The following LTN1 variants were observed in gnomAD, a reference collection of about 807,000 sequenced individuals.
LTN1 encodes the protein listerin E3 ubiquitin protein ligase 1, also known as E3 ubiquitin-protein ligase listerin.
Under a neutral mutation model 201.2 loss-of-function variants are expected in LTN1, and 88 were observed. The observed-to-expected ratio is 0.44, with a 90% CI of 0.37 to 0.52. The LOEUF is 0.52. LTN1 is among the 20% of genes least tolerant of loss of function. The pLI, the probability that LTN1 is intolerant of heterozygous loss-of-function variation, is 0.00. For missense variants in LTN1, 1,752 were observed against 2,038.7 expected (o/e 0.86, Z 2.71); for synonymous variants, 645 against 713.5 (o/e 0.90, Z 1.53).
At chr21:28,970,364 C>T (rs2084563506) in intron 8 of LTN1, among the ~76,000 whole-genome samples, 188 bp downstream of exon 8, 1 of 152,140 alleles carries the variant, frequency 6.6e-6, no homozygotes, top group South Asian at 2.1e-4. Flanking sequence ...TATCTAACTT[C>T]CTGCTGTGTG....
Position 28,972,924 on chromosome 21 carries a change from A to G in LTN1, c.811-1480T>C, listed in dbSNP as rs1030378803. Among the ~76,000 whole-genome samples, 7 of 152,260 alleles carry G rather than the reference A, an allele frequency of 4.6e-5. No homozygotes were observed. In the East Asian group the frequency reaches 1.3e-3, roughly 29 times the overall value. Reference sequence around the variant, plus strand: ...CCAAGGAGAAAGATAAACTACCTTCAAAAGAAGGACAATAAGACTGATAGT... The same window carrying G: ...CCAAGGAGAAAGATAAACTACCTTCGAAAGAAGGACAATAAGACTGATAGT... On this transcript the variant is annotated intron_variant, in intron 6 of 29. Transcript: ENST00000361371.
At chr21:28,936,871 T>G (rs2084261245) in intron 25 of LTN1, among the ~76,000 whole-genome samples, 174 bp from the exon 26 acceptor site, 2 of 152,206 alleles carry the variant, frequency 1.3e-5, no homozygotes, top group African/African-American at 4.8e-5. Flanking sequence ...TGTATTACAA[T>G]GCACTCACCT....
Position 28,982,343 on chromosome 21 carries a change from T to C in LTN1, c.602A>G (p.Glu201Gly). ...CGGGTCACTGAGTGTATCAGGTGTT[T>C]CTTTTATAAGATGATCCTGCAGCAC... ...TSVLQDHLIKETPDTLSDPQT... is the reference protein window; with the variant it reads ...TSVLQDHLIKGTPDTLSDPQT... The change falls in exon 5 of 30, where the codon GAA becomes GGA. Residue 201 changes from glutamate to glycine, a missense_variant. Physicochemically the swap from Glu to Gly is moderately conservative, Grantham distance 98. Around this residue, in one of 3 missense-constraint regions of LTN1, gnomAD observed 280 missense variants for 375.7 expected, o/e 0.75. Coordinates refer to ENST00000361371, the MANE Select transcript of LTN1 (RefSeq NM_015565.3). 3 of 1,613,968 alleles carry C rather than the reference T, an allele frequency of 1.9e-6. No individual in the cohort carries two copies. The highest frequency in any genetic ancestry group is 2.5e-6 in the Non-Finnish European group (3 of 1,179,822).
At chr21:28,948,657 C>T (rs2084360379) in intron 18 of LTN1, among the ~76,000 whole-genome samples, 1 of 152,062 alleles carries the variant, frequency 6.6e-6, no homozygotes, top group South Asian at 2.1e-4. Flanking sequence ...TATCATTTAC[C>T]ACTTACATAT....
intron 13 of LTN1, 49 bp from the exon 14 acceptor site, chr21:28,958,588 T>G (rs747126725): frequency 5.9e-6 from 8 of 1,346,798 alleles, no homozygotes; most frequent in South Asian, 1.4e-5. Context: ...GAATTAACTC[T>G]CATCAGCACA....
In LTN1 at chr21:28,959,683, C is replaced by T. The variant is rs1025692572; in HGVS notation, c.2368G>A (p.Asp790Asn). ...QHVKNDYLIGDVYVERIIVRL... is the reference protein window; with the variant it reads ...QHVKNDYLIGNVYVERIIVRL... ...ACAATGATTCTTTCAACATATACGTCTCCAATCAAGTAATCTGGAGAAAAA... is the reference window on the plus strand; with the variant it reads ...ACAATGATTCTTTCAACATATACGTTTCCAATCAAGTAATCTGGAGAAAAA... Residue 790 changes from aspartate (D) to asparagine (N), a missense_variant, in exon 13 of 30, where the codon GAC (aspartate) becomes AAC (asparagine). Coordinates refer to ENST00000361371, the MANE Select transcript of LTN1 (RefSeq NM_015565.3). The T allele has an allele frequency of 1.1e-5, 18 of 1,605,568 alleles. No individual in the cohort carries two copies. The highest frequency in any genetic ancestry group is 1.4e-5 in the Non-Finnish European group (17 of 1,176,522).
chr21:28,966,427 A>G lies in LTN1; in HGVS notation c.2064T>C (p.Ala688=). 3 of 1,614,146 alleles carry G rather than the reference A, an allele frequency of 1.9e-6. No homozygotes were observed. Among genetic ancestry groups the G allele is most frequent in the African/African-American group, 1.3e-5 (1 of 75,058 alleles). The change falls in exon 10 of 30, where the codon GCT becomes GCC. Residue 688 remains alanine (A), a synonymous_variant. Coordinates refer to ENST00000361371, the MANE Select transcript of LTN1 (RefSeq NM_015565.3). ...FGFLVDILYS[A]LRCCDNDMER... ...CCATATCATTGTCACAGCACCGGAG[A>G]GCACTGTACAAAATGTCCACCAGGA...
intron 6 of LTN1, among the ~76,000 whole-genome samples, chr21:28,972,847 A>G (rs1240274640): frequency 6.6e-6 from 1 of 152,222 alleles, no homozygotes; most frequent in Non-Finnish European, 1.5e-5. Flanking sequence ...CATAAAGGAA[A>G]TCCACACAAA....
rs1179627566 is a variant in LTN1 at position 28,930,039 on chromosome 21, C to G, written c.*409G>C. ...AAATATCTATAGATGTAAATCAGCT[C>G]TCTCAGTTCGTTTTGCTTCACTTGG... is the stretch of plus-strand genomic sequence containing the variant. On this transcript the variant is annotated 3_prime_UTR_variant, in exon 30 of 30. Transcript: ENST00000361371. The G allele has an allele frequency of 1.3e-5, 2 of 154,982 alleles. No homozygotes were observed. The highest frequency in any genetic ancestry group is 4.8e-5 in the African/African-American group (2 of 41,536). 9.6% of individuals were successfully genotyped at this position (154,982 alleles called of 1,614,324 possible).
chr21:28,990,057 G>A (rs746933113), intron 1 of LTN1, among the ~76,000 whole-genome samples: 3 of 151,290 alleles, frequency 2.0e-5, no homozygotes, highest in South Asian at 2.1e-4. Context: ...ACCTGAAAAC[G>A]CTTCCTTTCT....
chr21:28,975,708 T>C (rs191175626), intron 6 of LTN1, among the ~76,000 whole-genome samples: 330 of 152,278 alleles, frequency 2.2e-3, no homozygotes, highest in African/African-American at 4.6e-3. Context: ...TGACCTAAAT[T>C]AAAACGGCTG....
In LTN1 at chr21:28,984,779, C is replaced by T. The variant is rs199730831; in HGVS notation, c.489G>A (p.Ala163=). The T allele has an allele frequency of 4.9e-5, 79 of 1,613,976 alleles. No homozygotes were observed. The Middle Eastern group carries it at 4.9e-4, about 10-fold the overall frequency. Residue 163 remains alanine (A), a synonymous_variant, in exon 4 of 30, where the codon GCG becomes GCA. Coordinates refer to ENST00000361371, the MANE Select transcript of LTN1 (RefSeq NM_015565.3). The part of the protein sequence containing the change: ...MAQCDTYTPA[A]FAAKDAFEAA... Reference sequence around the variant, plus strand: ...CTTCAAATGCATCTTTTGCTGCAAACGCAGCTGGTGTGTAAGTATCACACT... The same window carrying T: ...CTTCAAATGCATCTTTTGCTGCAAATGCAGCTGGTGTGTAAGTATCACACT...
chr21:28,988,141 C>CAAAA (rs1271726378), intron 1 of LTN1, among the ~76,000 whole-genome samples: 10 of 77,934 alleles, frequency 1.3e-4, no homozygotes, highest in African/African-American at 4.6e-4. Flanking sequence ...GACTCTGTCT[C>CAAAA]AAAAAAAAAA....
At chr21:28,950,587 C>T (rs2084374149) in intron 18 of LTN1, among the ~76,000 whole-genome samples, 2 of 152,182 alleles carry the variant, frequency 1.3e-5, no homozygotes, top group East Asian at 1.9e-4. Context: ...GTGATCTCTG[C>T]TCACTGCAAC....
chr21:28,967,522 T>G (rs2084536476), intron 9 of LTN1: 1 of 189,028 alleles, frequency 5.3e-6, no homozygotes, highest in Admixed American at 5.6e-5. Context: ...AGCTTTCAGA[T>G]AGCTGAACAT....
rs1272605261 is a variant in LTN1 at position 28,952,201 on chromosome 21, A to G, written c.3303T>C (p.Ile1101=). ...IIAKLILSRS[I]SSDEVKPHYK... is the part of the protein sequence containing the mutation. ...AATGTGGTTTTACTTCATCAGATGA[A>G]ATGCTTCGGGAAAGGATCAACTTAG... Residue 1101 remains isoleucine, a synonymous_variant, in exon 18 of 30, where the codon ATT becomes ATC. Transcript: ENST00000361371. The G allele has an allele frequency of 6.2e-7, 1 of 1,610,434 alleles. No homozygotes were observed. Among genetic ancestry groups the G allele is most frequent in the South Asian group, 1.1e-5 (1 of 90,366 alleles).
intron 18 of LTN1, among the ~76,000 whole-genome samples, chr21:28,949,675 T>G (rs1424352573): frequency 1.3e-5 from 2 of 152,220 alleles, no homozygotes; most frequent in African/African-American, 4.8e-5. Flanking sequence ...CAGAATTTCT[T>G]TCCCTTTTAA....
Position 28,955,083 on chromosome 21 carries a change from G to A in LTN1, c.3079+1679C>T, listed in dbSNP as rs147249270. ...ATATAAGGAACTCAAACAACTCAACGGCAAGAAAGGAAAAAAAAATCCCAT... is the reference window on the plus strand; with the variant it reads ...ATATAAGGAACTCAAACAACTCAACAGCAAGAAAGGAAAAAAAAATCCCAT... On this transcript the variant is annotated intron_variant, in intron 16 of 29. Coordinates refer to ENST00000361371, the MANE Select transcript of LTN1 (RefSeq NM_015565.3). Among the ~76,000 whole-genome samples the A allele has an allele frequency of 2.2e-3, 341 of 151,904 alleles. 2 individuals carry two copies. Among genetic ancestry groups the A allele is most frequent in the African/African-American group, 7.0e-3 (290 of 41,440 alleles).
Position 28,935,099 on chromosome 21 carries a change from C to T in LTN1, c.4875+10G>A, listed in dbSNP as rs2084243820. 4 of 1,566,900 alleles carry T rather than the reference C, an allele frequency of 2.6e-6. No individual in the cohort carries two copies. In the East Asian group the frequency reaches 9.0e-5, roughly 35 times the overall value. ...ACAACTTTTCTAGAGAAAGTCAAGA[C>T]AATACTAACCGTCATGCCATTAAAT... On this transcript the variant is annotated intron_variant, in intron 27 of 29. Coordinates refer to ENST00000361371, the MANE Select transcript of LTN1 (RefSeq NM_015565.3).
Sources: gnomAD v4.1 joint callset for allele counts (sites outside exome capture counted in the v4.1 genomes callset) on GRCh38, gnomAD v4.1.1 for gene constraint, gnomAD v4.1.1 regional missense constraint, MANE v1.5 for transcripts, NCBI Gene and HGNC (gene_info 2026-07-23, HGNC 2026-07-21) for gene names.